EVA1A: variants seen among roughly 807,000 people sequenced by gnomAD.
EVA1A encodes protein eva-1 homolog A.
EVA1A carries 7 observed loss-of-function variants against 9.8 expected under a neutral mutation model. That is an observed-to-expected ratio of 0.71 (90% CI 0.41 to 1.34). The LOEUF is 1.34. Ranked by LOEUF, EVA1A falls within the 40% of genes most tolerant of loss-of-function variation. EVA1A has a pLI of 0.01. For synonymous variants in EVA1A, 90 were observed against 85.6 expected, an observed-to-expected ratio of 1.05 and a Z score of -0.28; for missense variants, 206 against 205.9, an observed-to-expected ratio of 1.00 and a Z score of 0.00.
At chr2:75,533,817 T>G (rs1321190604) in intron 1 of EVA1A, among the ~76,000 whole-genome samples, 1 of 151,382 alleles carries the variant, frequency 6.6e-6, no homozygotes, top group African/African-American at 2.4e-5. Context: ...ATTTATTTAT[T>G]TATTTATTTT....
At chr2:75,519,174 C>T (rs549882732) in intron 2 of EVA1A, among the ~76,000 whole-genome samples, 20 of 152,308 alleles carry the variant, frequency 1.3e-4, no homozygotes, top group African/African-American at 4.3e-4. Flanking sequence ...CTCCTGGGCA[C>T]GAAGTGGGAG....
rs969606045 is a variant in EVA1A, at chr2:75,493,328, G to T, written c.367C>A (p.Arg123=). The change falls in exon 4 of 4, where the codon CGG becomes AGG. Residue 123 remains arginine (R), a synonymous_variant. Transcript: ENST00000393913. Reference sequence around the variant, plus strand: ...ATGATGCGCTCGCGCTCCTCCAGCCGCTGGGCGCGCTCCAGCTCCTCCGCA... The same window carrying T: ...ATGATGCGCTCGCGCTCCTCCAGCCTCTGGGCGCGCTCCAGCTCCTCCGCA... ...TSAEELERAQ[R]LEERERIIRE... is the part of the protein sequence containing the mutation. 5.0e-6 allele frequency: 8 copies of T among 1,614,170 alleles called. 1 individual carries two copies. Among genetic ancestry groups the T allele is most frequent in the South Asian group, 3.3e-5 (3 of 91,086 alleles).
chr2:75,536,850 T>C (rs527902146), intron 1 of EVA1A, among the ~76,000 whole-genome samples: 51 of 152,242 alleles, frequency 3.3e-4, no homozygotes, highest in African/African-American at 1.2e-3. Flanking sequence ...CAGGCCTAGA[T>C]GGTTTCACTA....
chr2:75,502,987 A>G lies in EVA1A; in HGVS notation c.86-9378T>C, dbSNP rs555088515. 1.2e-4 allele frequency among the ~76,000 whole-genome samples: 18 copies of G among 152,328 alleles called. 1 individual carries two copies. Among genetic ancestry groups the G allele is most frequent in the Admixed American group, 8.5e-4 (13 of 15,306 alleles). ...ACTTCAAAGATAGTTTCTGAACTCC[A>G]TCTTGGAAACCACTGTTCTGCCTCT... On this transcript the variant is annotated intron_variant, in intron 3 of 3. Coordinates refer to ENST00000393913, the MANE Select transcript of EVA1A (RefSeq NM_001135032.2).
chr2:75,554,634 G>A (rs983840079), intron 1 of EVA1A, among the ~76,000 whole-genome samples: 1 of 152,210 alleles, frequency 6.6e-6, no homozygotes, highest in African/African-American at 2.4e-5. Context: ...CTGCCTTTTA[G>A]TTGTGGGTGT....
intron 1 of EVA1A, among the ~76,000 whole-genome samples, chr2:75,523,212 C>T (rs1675293932): frequency 6.6e-6 from 1 of 152,208 alleles, no homozygotes; most frequent in Admixed American, 6.5e-5. Context: ...TCAGCTATTT[C>T]TTCCCCAAAA....
At chr2:75,559,697 T>TGGGGG (rs36059976) in intron 1 of EVA1A, among the ~76,000 whole-genome samples, 92 of 78,822 alleles carry the variant, frequency 1.2e-3, no homozygotes, top group Middle Eastern at 6.3e-3. Flanking sequence ...AGAAAGGAGG[T>TGGGGG]GGGGGGGGGG....
intron 1 of EVA1A, among the ~76,000 whole-genome samples, chr2:75,553,536 G>A (rs1221450484): frequency 2.0e-5 from 3 of 152,196 alleles, no homozygotes; most frequent in Admixed American, 2.0e-4. Flanking sequence ...TGTTTCCAGA[G>A]CCTGGAACTG....
At chr2:75,549,585 T>C (rs1012616236) in intron 1 of EVA1A, among the ~76,000 whole-genome samples, 2 of 152,156 alleles carry the variant, frequency 1.3e-5, no homozygotes, top group African/African-American at 4.8e-5. Context: ...CCTTGCCTCC[T>C]ACAGTGTCCT....
At chr2:75,557,162 G>A (rs1382168714) in intron 1 of EVA1A, among the ~76,000 whole-genome samples, 2 of 152,204 alleles carry the variant, frequency 1.3e-5, no homozygotes, top group African/African-American at 2.4e-5. Context: ...CAGCTGTGGA[G>A]GAAGCCAGAG....
intron 1 of EVA1A, among the ~76,000 whole-genome samples, chr2:75,549,008 ATTT>A (rs10552575): frequency 0.017 from 1,477 of 85,348 alleles, 13 homozygotes; most frequent in African/African-American, 0.038. Context: ...ATATATATAT[ATTT>A]TTTTTTTTTT....
At chr2:75,541,564 G>A (rs1051158802) in intron 1 of EVA1A, among the ~76,000 whole-genome samples, 1 of 152,156 alleles carries the variant, frequency 6.6e-6, no homozygotes, top group Non-Finnish European at 1.5e-5. Flanking sequence ...GCATCAAGGT[G>A]GGCTGGTCCT....
intron 3 of EVA1A, chr2:75,517,798 A>T (rs1303319477): frequency 5.6e-6 from 4 of 719,738 alleles, no homozygotes. Flanking sequence ...GCCCTGGGCC[A>T]CTTCAATCAC....
intron 1 of EVA1A, among the ~76,000 whole-genome samples, chr2:75,548,979 G>GAAAAAAAAAAA (rs150555298): frequency 9.2e-5 from 12 of 130,172 alleles, no homozygotes; most frequent in Admixed American, 1.6e-4. Flanking sequence ...CTGGCTAAAT[G>GAAAAAAAAAAA]AAAAATATAT....
chr2:75,493,676 G>GATAT, intron 3 of EVA1A, 67 bp from the exon 4 acceptor site: 1 of 1,446,778 alleles, frequency 6.9e-7, no homozygotes, highest in Admixed American at 2.6e-5. Flanking sequence ...GATCCAATAT[G>GATAT]ACTCCAGCCT....
chr2:75,553,668 G>A (rs1676602816), intron 1 of EVA1A, among the ~76,000 whole-genome samples: 1 of 152,164 alleles, frequency 6.6e-6, no homozygotes, highest in South Asian at 2.1e-4. Flanking sequence ...ACTTTCATGT[G>A]TGTCTTTTTC....
At chr2:75,508,014 A>T (rs1025158769) in intron 3 of EVA1A, among the ~76,000 whole-genome samples, 11 of 152,340 alleles carry the variant, frequency 7.2e-5, no homozygotes, top group East Asian at 5.8e-4. Flanking sequence ...ATCTCTAAAC[A>T]TAAATTGTGA....
intron 1 of EVA1A, among the ~76,000 whole-genome samples, chr2:75,551,283 C>T (rs1262833013): frequency 6.6e-6 from 1 of 152,182 alleles, no homozygotes; most frequent in Admixed American, 6.5e-5. Context: ...GGTATGTCCA[C>T]TTCCTCACCT....
At chr2:75,523,088 G>T (rs991931791) in intron 1 of EVA1A, among the ~76,000 whole-genome samples, 1 of 152,208 alleles carries the variant, frequency 6.6e-6, no homozygotes, top group Non-Finnish European at 1.5e-5. Context: ...GGAGCTCTGA[G>T]CATTGAGCTG....
Sources: gnomAD v4.1 joint callset for allele counts (sites outside exome capture counted in the v4.1 genomes callset) on GRCh38, gnomAD v4.1.1 for gene constraint, MANE v1.5 for transcripts, NCBI Gene and HGNC (gene_info 2026-07-23, HGNC 2026-07-21) for gene names.